AAMDC: variants seen among roughly 807,000 people sequenced by gnomAD.
The protein encoded by AAMDC is mth938 domain-containing protein.
Under a neutral mutation model 15.5 loss-of-function variants are expected in AAMDC, and 16 were observed. The ratio of observed to expected loss-of-function variants is 1.03; its 90% CI spans 0.70 to 1.57. The LOEUF is 1.57. AAMDC is among the 40% of genes most tolerant of loss of function. AAMDC has a pLI of 0.00. For missense variants in AAMDC, 141 were observed against 144.9 expected, an observed-to-expected ratio of 0.97 and a Z score of 0.14; for synonymous variants, 51 against 51.6, an observed-to-expected ratio of 0.99 and a Z score of 0.05.
At chr11:77,888,515 C>A (rs1283118119) in intron 5 of AAMDC, among the ~76,000 whole-genome samples, 1 of 152,108 alleles carries the variant, frequency 6.6e-6, no homozygotes, top group Non-Finnish European at 1.5e-5. Flanking sequence ...TAGGCATGGG[C>A]AAGGACTTCA....
chr11:77,886,663 A>G (rs1952022736), intron 5 of AAMDC, among the ~76,000 whole-genome samples: 2 of 152,216 alleles, frequency 1.3e-5, no homozygotes, highest in Admixed American at 1.3e-4. Context: ...GCTTGGCGGA[A>G]TCAGCAGGGA....
chr11:77,885,801 C>A (rs569783321), intron 5 of AAMDC, among the ~76,000 whole-genome samples: 1 of 151,670 alleles, frequency 6.6e-6, no homozygotes, highest in South Asian at 2.1e-4. Flanking sequence ...GCCTGGGTGA[C>A]AGAGTGAGAT....
intron 2 of AAMDC, 120 bp downstream of exon 2, chr11:77,842,748 A>G: frequency 7.4e-7 from 1 of 1,349,090 alleles, no homozygotes; most frequent in Non-Finnish European, 1.0e-6. Flanking sequence ...TATAATTCAT[A>G]TACCATTAAA....
intron 2 of AAMDC, chr11:77,850,813 C>CA (rs1263052706): frequency 1.3e-5 from 2 of 151,628 alleles, no homozygotes; most frequent in African/African-American, 4.9e-5. Flanking sequence ...CACATACACT[C>CA]ACACTTTGTC....
intron 1 of AAMDC, among the ~76,000 whole-genome samples, chr11:77,824,988 T>C (rs1206241608): frequency 6.6e-6 from 1 of 152,124 alleles, no homozygotes; most frequent in Non-Finnish European, 1.5e-5. Context: ...GTTGTTGTTG[T>C]TTTTCTTTTT....
intron 5 of AAMDC, chr11:77,894,468 A>G (rs1306471274): frequency 1.8e-6 from 1 of 559,904 alleles, no homozygotes; most frequent in African/African-American, 2.0e-5. Flanking sequence ...TATAAAAATG[A>G]TCTCTAAAAG....
chr11:77,891,272 A>G (rs1305171289), intron 5 of AAMDC: 1 of 1,587,212 alleles, frequency 6.3e-7, no homozygotes, highest in Admixed American at 1.7e-5. Context: ...AAATACTTCA[A>G]CACAATGTCA....
intron 2 of AAMDC, among the ~76,000 whole-genome samples, chr11:77,854,179 A>T (rs994861351): frequency 6.6e-6 from 1 of 151,850 alleles, no homozygotes; most frequent in African/African-American, 2.4e-5. Context: ...TTTGTAGTAG[A>T]GACGGGGTTT....
intron 5 of AAMDC, among the ~76,000 whole-genome samples, chr11:77,884,512 T>C (rs972298272): frequency 3.3e-5 from 5 of 152,198 alleles, no homozygotes; most frequent in Non-Finnish European, 7.3e-5. Flanking sequence ...CAGCTCCCTG[T>C]GTAGACAGCC....
intron 1 of AAMDC, chr11:77,831,972 A>G (rs1296203232): frequency 6.6e-6 from 1 of 150,822 alleles, no homozygotes; most frequent in East Asian, 1.9e-4. Context: ...GGCCTCTCAG[A>G]AGTGCTGGGA....
intron 1 of AAMDC, among the ~76,000 whole-genome samples, chr11:77,821,928 G>A (rs1250074185): frequency 6.6e-6 from 1 of 152,064 alleles, no homozygotes; most frequent in African/African-American, 2.4e-5. Flanking sequence ...CTTAGAGTGG[G>A]GTGATAATAG....
intron 1 of AAMDC, among the ~76,000 whole-genome samples, chr11:77,828,251 G>A (rs1389334448): frequency 3.3e-5 from 5 of 151,758 alleles, no homozygotes; most frequent in African/African-American, 4.8e-5. Context: ...CTCCAGCCTG[G>A]GTGACAGAGC....
chr11:77,905,547 T>G (rs151095429), downstream of AAMDC, among the ~76,000 whole-genome samples: 60 of 152,206 alleles, frequency 3.9e-4, no homozygotes, highest in African/African-American at 1.3e-3. Flanking sequence ...AAGTGCATCA[T>G]CACAATACTG....
intron 1 of AAMDC, among the ~76,000 whole-genome samples, chr11:77,840,182 G>T (rs1949870190): frequency 6.6e-6 from 1 of 151,984 alleles, no homozygotes; most frequent in Non-Finnish European, 1.5e-5. Flanking sequence ...TGAAAACTAG[G>T]TATCTGGGGT....
At chr11:77,887,173 A>G (rs1160381338) in intron 5 of AAMDC, among the ~76,000 whole-genome samples, 3 of 152,250 alleles carry the variant, frequency 2.0e-5, no homozygotes, top group Admixed American at 2.0e-4. Flanking sequence ...AAAATCCTCA[A>G]TAAAATACTG....
rs751649653 is a variant in AAMDC at position 77,842,585 on chromosome 11, CA to C, written c.90del (p.Gly32ValfsTer23). On this transcript the variant is annotated frameshift_variant, in exon 2 of 4. Coordinates refer to ENST00000393427, the MANE Select transcript of AAMDC (RefSeq NM_024684.4). LOFTEE classifies it high-confidence loss of function. The part of the protein sequence containing the change: ...NTTYKDCKVW[P>X]GGSRTWDWRE... ...ACCTATAAGGACTGCAAAGTATGGC[CA>C]GGGGGTAGTCGGACTTGGGATTGGA... The C allele has an allele frequency of 1.4e-5, 23 of 1,613,808 alleles. No individual in the cohort carries two copies. The highest frequency in any genetic ancestry group is 3.3e-5 in the South Asian group (3 of 91,052).
intron 5 of AAMDC, among the ~76,000 whole-genome samples, chr11:77,880,926 A>G (rs919929475): frequency 6.6e-6 from 1 of 151,778 alleles, no homozygotes; most frequent in Non-Finnish European, 1.5e-5. Context: ...CCTGTCTCAA[A>G]ACAAACAAAC....
chr11:77,900,028 G>A (rs555442475), intron 5 of AAMDC, among the ~76,000 whole-genome samples: 1 of 151,794 alleles, frequency 6.6e-6, no homozygotes, highest in Non-Finnish European at 1.5e-5. Flanking sequence ...GCCATCACAA[G>A]CACCTTTGTT....
chr11:77,834,441 G>GTTTTTTTT (rs11438814), intron 1 of AAMDC, among the ~76,000 whole-genome samples: 37 of 105,516 alleles, frequency 3.5e-4, no homozygotes, highest in East Asian at 5.8e-4. Flanking sequence ...AGTTGATTTT[G>GTTTTTTTT]TTTTTTTTTT....
Sources: allele counts gnomAD v4.1 joint callset (sites outside exome capture counted in the v4.1 genomes callset), GRCh38; gene constraint gnomAD v4.1.1; transcripts MANE v1.5; gene names NCBI Gene and HGNC (gene_info 2026-07-23, HGNC 2026-07-21).